CAMKMT: variants seen among roughly 807,000 people sequenced by gnomAD.
CAMKMT encodes CaM KMT.
Under a neutral mutation model 48.0 loss-of-function variants are expected in CAMKMT, and 53 were observed. The observed-to-expected ratio is 1.10, with a 90% CI of 0.89 to 1.39. CAMKMT has a LOEUF of 1.39. Ranked by LOEUF, CAMKMT falls within the 40% of genes most tolerant of loss-of-function variation. The pLI, the probability that CAMKMT is intolerant of heterozygous loss-of-function variation, is 0.00. For missense variants in CAMKMT, 428 were observed against 402.7 expected, an observed-to-expected ratio of 1.06 and a Z score of -0.54; for synonymous variants, 165 against 152.3, an observed-to-expected ratio of 1.08 and a Z score of -0.61.
chr2:44,442,674 C>T (rs913928747), intron 3 of CAMKMT, among the ~76,000 whole-genome samples: 1 of 152,212 alleles, frequency 6.6e-6, no homozygotes, highest in Non-Finnish European at 1.5e-5. Context: ...ATGCTACCTT[C>T]TTGTTAAAGC....
At chr2:44,720,759 G>T (rs1478928710) in intron 7 of CAMKMT, among the ~76,000 whole-genome samples, 1 of 151,998 alleles carries the variant, frequency 6.6e-6, no homozygotes, top group African/African-American at 2.4e-5. Flanking sequence ...CATAATTTTT[G>T]TCACTATAAC....
chr2:44,622,682 T>A lies in CAMKMT; in HGVS notation c.377-81601T>A, dbSNP rs539911186. On this transcript the variant is annotated intron_variant, in intron 3 of 10. Transcript: ENST00000378494. ...TGCAAAGGATATGATTTATTTTTTA[T>A]GGTTGCATAGTATTCCGTGGTATAT... 1.8e-4 allele frequency among the ~76,000 whole-genome samples: 28 copies of A among 152,392 alleles called. No homozygotes were observed. In the South Asian group the frequency reaches 5.4e-3, roughly 29 times the overall value.
chr2:44,533,465 C>T (rs1666598850), intron 3 of CAMKMT, among the ~76,000 whole-genome samples: 3 of 152,122 alleles, frequency 2.0e-5, no homozygotes, highest in African/African-American at 7.2e-5. Context: ...TCTTGAACTC[C>T]TGACCTCAAA....
intron 8 of CAMKMT, among the ~76,000 whole-genome samples, chr2:44,749,333 A>G (rs1183542160): frequency 1.3e-5 from 2 of 152,178 alleles, no homozygotes; most frequent in African/African-American, 4.8e-5. Context: ...TGACAGTATC[A>G]GTAAAGGAGT....
At chr2:44,465,954 A>T (rs1668089667) in intron 3 of CAMKMT, among the ~76,000 whole-genome samples, 1 of 152,218 alleles carries the variant, frequency 6.6e-6, no homozygotes, top group African/African-American at 2.4e-5. Context: ...TTATATAATG[A>T]TAAAAGGATC....
chr2:44,686,786 C>G (rs771937828), intron 3 of CAMKMT, among the ~76,000 whole-genome samples: 8 of 152,328 alleles, frequency 5.3e-5, no homozygotes, highest in Non-Finnish European at 1.2e-4. Context: ...AGGTCACTAG[C>G]TGATCAGGCT....
chr2:44,599,177 A>G (rs1030721481), intron 3 of CAMKMT, among the ~76,000 whole-genome samples: 2 of 152,138 alleles, frequency 1.3e-5, no homozygotes, highest in Non-Finnish European at 2.9e-5. Context: ...TTGCCTAGGT[A>G]TGAGAAGCCT....
At chr2:44,568,384 A>C (rs1344165725) in intron 3 of CAMKMT, among the ~76,000 whole-genome samples, 1 of 151,898 alleles carries the variant, frequency 6.6e-6, no homozygotes, top group Admixed American at 6.6e-5. Context: ...CTCCTGAATG[A>C]ACATAATTTT....
rs111811890 is a variant in CAMKMT at position 44,373,291 on chromosome 2, T to A, written c.311+403T>A. On this transcript the variant is annotated intron_variant, in intron 2 of 10. Coordinates refer to ENST00000378494, the MANE Select transcript of CAMKMT (RefSeq NM_024766.5). ...AGCTTTGGTATTTTTTCCATTTATT[T>A]ATTTTTTTATTACTTTCAGAATAGA... is the stretch of plus-strand genomic sequence containing the variant. 3.2e-3 allele frequency among the ~76,000 whole-genome samples: 487 copies of A among 152,336 alleles called. 2 individuals are homozygous for A. The highest frequency in any genetic ancestry group is 0.027 in the Middle Eastern group (8 of 294).
At position 44,656,126 on chromosome 2, in the gene CAMKMT, C is replaced by G. The variant is rs145099499; in HGVS notation, c.377-48157C>G. Among the ~76,000 whole-genome samples the G allele has an allele frequency of 3.6e-4, 55 of 152,228 alleles. 1 individual carries two copies. The East Asian group carries it at 9.3e-3, about 26-fold the overall frequency. On this transcript the variant is annotated intron_variant, in intron 3 of 10. Transcript: ENST00000378494. ...TAAAGATTATGTTTTGTGAAAAGAG[C>G]TCTTTCTGAAGCATCAGAGAAGCAT...
chr2:44,518,198 A>C (rs1670928590), intron 3 of CAMKMT, among the ~76,000 whole-genome samples: 1 of 152,080 alleles, frequency 6.6e-6, no homozygotes, highest in South Asian at 2.1e-4. Flanking sequence ...TTTTGGCATT[A>C]TTGTTAGACA....
intron 3 of CAMKMT, among the ~76,000 whole-genome samples, chr2:44,585,735 C>T (rs1232490015): frequency 2.0e-5 from 3 of 152,108 alleles, no homozygotes; most frequent in African/African-American, 4.8e-5. Flanking sequence ...GGTGATCCTA[C>T]GCTTTACCAA....
At chr2:44,659,187 A>G (rs1394927355) in intron 3 of CAMKMT, among the ~76,000 whole-genome samples, 1 of 150,702 alleles carries the variant, frequency 6.6e-6, no homozygotes, top group Non-Finnish European at 1.5e-5. Flanking sequence ...TTTCAAGGCC[A>G]AGGCAGGAGG....
At chr2:44,652,416 G>C (rs151016385) in intron 3 of CAMKMT, among the ~76,000 whole-genome samples, 1 of 152,158 alleles carries the variant, frequency 6.6e-6, no homozygotes, top group Non-Finnish European at 1.5e-5. Flanking sequence ...ACTGCTCAGC[G>C]TCCGCAAGGG....
intron 3 of CAMKMT, among the ~76,000 whole-genome samples, chr2:44,590,069 G>A (rs959633076): frequency 1.3e-5 from 2 of 151,130 alleles, no homozygotes; most frequent in Non-Finnish European, 2.9e-5. Flanking sequence ...CACATGGACG[G>A]TCATGTTGTC....
chr2:44,552,487 C>T (rs1229883907), intron 3 of CAMKMT, among the ~76,000 whole-genome samples: 1 of 152,072 alleles, frequency 6.6e-6, no homozygotes, highest in East Asian at 1.9e-4. Context: ...ACTCCAAAAT[C>T]CTGGAATCTT....
chr2:44,369,525 T>C (rs1345281475), intron 1 of CAMKMT, among the ~76,000 whole-genome samples: 1 of 152,182 alleles, frequency 6.6e-6, no homozygotes, highest in Non-Finnish European at 1.5e-5. Flanking sequence ...TAAGAGTGAA[T>C]CCCAGAACAA....
chr2:44,445,123 A>G (rs1029544849), intron 3 of CAMKMT, among the ~76,000 whole-genome samples: 4 of 152,210 alleles, frequency 2.6e-5, no homozygotes, highest in Non-Finnish European at 1.5e-5. Flanking sequence ...TTCATGGCAT[A>G]AATGAGGTCC....
intron 2 of CAMKMT, among the ~76,000 whole-genome samples, chr2:44,375,664 A>G (rs537546129): frequency 7.2e-5 from 11 of 152,284 alleles, no homozygotes; most frequent in Admixed American, 5.9e-4. Flanking sequence ...ACTAGAAAAT[A>G]CACAGGGTAA....
Sources: gnomAD v4.1 joint callset for allele counts (sites outside exome capture counted in the v4.1 genomes callset) on GRCh38, gnomAD v4.1.1 for gene constraint, MANE v1.5 for transcripts, NCBI Gene and HGNC (gene_info 2026-07-23, HGNC 2026-07-21) for gene names.